CARMIL1: variants seen among roughly 807,000 people sequenced by gnomAD.
The protein encoded by CARMIL1 is F-actin-uncapping protein LRRC16A.
In CARMIL1, 90 loss-of-function variants were observed where a neutral mutation model predicts 177.1. The ratio of observed to expected loss-of-function variants is 0.51; its 90% CI spans 0.43 to 0.61. The LOEUF (loss-of-function observed/expected upper bound fraction) is 0.61, where lower values mean the gene tolerates loss of function less well. Ranked by LOEUF, CARMIL1 falls within the 20% of genes least tolerant of loss-of-function variation. The pLI, the probability that CARMIL1 is intolerant of heterozygous loss-of-function variation, is 0.00. For synonymous variants in CARMIL1, 577 were observed against 606.2 expected, an observed-to-expected ratio of 0.95 and a Z score of 0.71; for missense variants, 1,380 against 1,667.0, an observed-to-expected ratio of 0.83 and a Z score of 3.00.
At chr6:25,302,314 T>C (rs982165969) in intron 2 of CARMIL1, among the ~76,000 whole-genome samples, 6 of 152,188 alleles carry the variant, frequency 3.9e-5, no homozygotes, top group Admixed American at 2.0e-4. Context: ...ATACTTTACA[T>C]TGTTGCTCAG....
chr6:25,609,231 C>T (rs1440955584), intron 35 of CARMIL1, among the ~76,000 whole-genome samples: 1 of 151,996 alleles, frequency 6.6e-6, no homozygotes, highest in Non-Finnish European at 1.5e-5. Flanking sequence ...CTTTGGGAGG[C>T]TGAGGCGGGT....
At chr6:25,514,297 A>G (rs936079016) in intron 20 of CARMIL1, among the ~76,000 whole-genome samples, 3 of 152,132 alleles carry the variant, frequency 2.0e-5, no homozygotes, top group South Asian at 4.1e-4. Flanking sequence ...CTGTAATCCT[A>G]GCACTTTGGG....
rs192384666 is a variant in CARMIL1 at position 25,619,500 on chromosome 6, C to G, written c.4033C>G (p.Arg1345Gly). ...QAQEYQEQKQ[R>G]SSSKDGHQGS... The stretch of plus-strand genomic sequence containing the variant: ...CCAGGAGTATCAAGAACAAAAGCAA[C>G]GGTCCTCCAGTAAAGATGGCCATCA... Residue 1345 changes from arginine to glycine, a missense_variant, in exon 37 of 37, where the codon CGG becomes GGG. Physicochemically the swap from Arg to Gly is moderately radical, Grantham distance 125. Transcript: ENST00000329474. The G allele has an allele frequency of 6.2e-7, 1 of 1,613,738 alleles. No homozygotes were observed. Among genetic ancestry groups the G allele is most frequent in the Non-Finnish European group, 8.5e-7 (1 of 1,179,772 alleles).
chr6:25,560,360 T>A (rs1408833792), intron 29 of CARMIL1, among the ~76,000 whole-genome samples: 1 of 152,138 alleles, frequency 6.6e-6, no homozygotes, highest in Non-Finnish European at 1.5e-5. Context: ...ACTATTAAAA[T>A]CACCTGCACT....
chr6:25,440,460 A>G (rs1797641465), intron 5 of CARMIL1, among the ~76,000 whole-genome samples: 1 of 152,196 alleles, frequency 6.6e-6, no homozygotes, highest in African/African-American at 2.4e-5. Context: ...TCTACCCAAC[A>G]CACACAGTTA....
chr6:25,376,287 C>T (rs371315570), intron 2 of CARMIL1, among the ~76,000 whole-genome samples: 1 of 152,128 alleles, frequency 6.6e-6, no homozygotes, highest in Non-Finnish European at 1.5e-5. Context: ...ACCATGTTGG[C>T]CAGGCTGATC....
chr6:25,565,279 C>T (rs1430664907), intron 29 of CARMIL1, among the ~76,000 whole-genome samples: 1 of 152,118 alleles, frequency 6.6e-6, no homozygotes, highest in Non-Finnish European at 1.5e-5. Context: ...CAAGCAGCCA[C>T]CAAAGGTGAG....
intron 2 of CARMIL1, among the ~76,000 whole-genome samples, chr6:25,388,923 T>C (rs1477581280): frequency 6.6e-6 from 1 of 152,048 alleles, no homozygotes; most frequent in Non-Finnish European, 1.5e-5. Flanking sequence ...CCTCAAGCGA[T>C]CTTCCTGTGT....
At chr6:25,282,422 A>T (rs1781208065) in intron 1 of CARMIL1, among the ~76,000 whole-genome samples, 1 of 152,056 alleles carries the variant, frequency 6.6e-6, no homozygotes, top group African/African-American at 2.4e-5. Context: ...CCTTGCCCCA[A>T]ACATTCCACC....
At chr6:25,332,201 G>A (rs1785693303) in intron 2 of CARMIL1, among the ~76,000 whole-genome samples, 1 of 152,146 alleles carries the variant, frequency 6.6e-6, no homozygotes, top group South Asian at 2.1e-4. Flanking sequence ...GGTCATAATA[G>A]TCATAAAAGT....
chr6:25,530,026 C>A, intron 24 of CARMIL1, among the ~76,000 whole-genome samples: 1 of 151,192 alleles, frequency 6.6e-6, no homozygotes, highest in Non-Finnish European at 1.5e-5. Flanking sequence ...AATGGAGCTT[C>A]AAAATTATTA....
chr6:25,604,958 T>G, intron 34 of CARMIL1, 65 bp downstream of exon 34: 1 of 1,328,952 alleles, frequency 7.5e-7, no homozygotes. Flanking sequence ...CAGAGTCACA[T>G]GATTGACAGA....
intron 2 of CARMIL1, among the ~76,000 whole-genome samples, chr6:25,407,305 G>A (rs6938645): frequency 0.44 from 67,352 of 151,666 alleles, 15,223 homozygotes; most frequent in Middle Eastern, 0.58. Flanking sequence ...ACATCTCTAT[G>A]TTTGGATATT....
At chr6:25,532,390 G>T (rs891626866) in intron 24 of CARMIL1, among the ~76,000 whole-genome samples, 1 of 152,182 alleles carries the variant, frequency 6.6e-6, no homozygotes, top group African/African-American at 2.4e-5. Flanking sequence ...GTTTAATTCT[G>T]CATAGATGGC....
At chr6:25,356,999 A>G (rs962691790) in intron 2 of CARMIL1, among the ~76,000 whole-genome samples, 3 of 151,546 alleles carry the variant, frequency 2.0e-5, no homozygotes, top group African/African-American at 7.3e-5. Flanking sequence ...TCTTAACTTC[A>G]GAATGGCTAC....
chr6:25,457,483 T>C lies in CARMIL1; in HGVS notation c.614+6772T>C, dbSNP rs564009549. 2.5e-3 allele frequency among the ~76,000 whole-genome samples: 374 copies of C among 152,326 alleles called. 1 individual carries two copies. The Middle Eastern group carries it at 0.027, about 11-fold the overall frequency. ...TAATAATTTAATAATATACAAGACA[T>C]GTCTCTATATAAGTTAGGATAGCAG... On this transcript the variant is annotated intron_variant, in intron 8 of 36. Transcript: ENST00000329474.
At chr6:25,466,707 C>T (rs1341110179) in intron 9 of CARMIL1, among the ~76,000 whole-genome samples, 3 of 152,032 alleles carry the variant, frequency 2.0e-5, no homozygotes, top group Admixed American at 6.6e-5. Context: ...TGGAATGAGA[C>T]GTGGATCTGT....
At chr6:25,433,004 G>A (rs984584453) in intron 4 of CARMIL1, 2 of 152,200 alleles carry the variant, frequency 1.3e-5, no homozygotes, top group Non-Finnish European at 1.5e-5. Context: ...AGCTGAAGTG[G>A]GAGGGAAAAG....
In CARMIL1 at chr6:25,347,047, T is replaced by C. The variant is rs529238173; in HGVS notation, c.138+62138T>C. The stretch of plus-strand genomic sequence containing the variant: ...AAGATTTAAGGGGGCTGTTTGGAAA[T>C]GTGATGATGTAAGGATGGGGCAACT... On this transcript the variant is annotated intron_variant, in intron 2 of 36. Transcript: ENST00000329474. 7.2e-4 allele frequency among the ~76,000 whole-genome samples: 109 copies of C among 152,290 alleles called. 1 individual carries two copies. Among genetic ancestry groups the C allele is most frequent in the African/African-American group, 2.0e-3 (85 of 41,566 alleles).
Sources: allele counts gnomAD v4.1 joint callset (sites outside exome capture counted in the v4.1 genomes callset), GRCh38; gene constraint gnomAD v4.1.1; transcripts MANE v1.5; gene names NCBI Gene and HGNC (gene_info 2026-07-23, HGNC 2026-07-21).